The following SEC61A1 variants were observed in gnomAD, a reference collection of about 807,000 sequenced individuals.
The protein encoded by SEC61A1 is SEC61 translocon subunit alpha 1, also known as protein transport protein Sec61 subunit alpha isoform 1.
SEC61A1 carries 15 observed loss-of-function variants against 55.2 expected under a neutral mutation model. The ratio of observed to expected loss-of-function variants is 0.27; its 90% confidence interval spans 0.18 to 0.42. The LOEUF is 0.42. Ranked by LOEUF, SEC61A1 falls within the 10% of genes least tolerant of loss-of-function variation. The probability of loss-of-function intolerance (pLI) is 1.00; values close to 1 mark genes in which losing one functional copy is unlikely to be tolerated. For synonymous variants in SEC61A1, 247 were observed against 234.0 expected (o/e 1.06, Z -0.51); for missense variants, 284 against 602.6 (o/e 0.47, Z 5.53).
At chr3:128,065,892 T>C (rs1291219576) in intron 8 of SEC61A1, among the ~76,000 whole-genome samples, 1 of 151,780 alleles carries the variant, frequency 6.6e-6, no homozygotes, top group Non-Finnish European at 1.5e-5. Context: ...CAGGTGCCTG[T>C]CACCACGCCC....
In SEC61A1 at chr3:128,065,348, G is replaced by A; in HGVS notation, c.777+311G>A. On this transcript the variant is annotated intron_variant, in intron 8 of 11. Transcript: ENST00000243253. The stretch of plus-strand genomic sequence containing the variant: ...TTCAAGAGAAGCAAAAAGTACTCTA[G>A]CTCTGAAACCTCATTGCTCTCTTAT... 3 of 583,852 alleles carry A rather than the reference G, an allele frequency of 5.1e-6. No homozygotes were observed. The South Asian group carries it at 6.5e-5, about 13-fold the overall frequency. 36.2% of individuals were successfully genotyped at this position (583,852 alleles called of 1,614,324 possible).
intron 7 of SEC61A1, among the ~76,000 whole-genome samples, chr3:128,061,475 A>G (rs1941850522): frequency 6.6e-6 from 1 of 152,238 alleles, no homozygotes. Context: ...AGAAATAATC[A>G]TGCATATTTG....
chr3:128,065,501 T>A (rs1941940956), intron 8 of SEC61A1, among the ~76,000 whole-genome samples: 1 of 152,198 alleles, frequency 6.6e-6, no homozygotes, highest in African/African-American at 2.4e-5. Context: ...TGAACTGCTA[T>A]TGTTTTCCTG....
At chr3:128,052,649 C>G in intron 1 of SEC61A1, 90 bp downstream of exon 1, 1 of 1,548,534 alleles carries the variant, frequency 6.5e-7, no homozygotes, top group Non-Finnish European at 8.7e-7. Flanking sequence ...CCGGCCAACC[C>G]TGACCGGCCC....
intron 5 of SEC61A1, among the ~76,000 whole-genome samples, chr3:128,059,818 T>A (rs1261481637): frequency 6.6e-6 from 1 of 152,154 alleles, no homozygotes; most frequent in Non-Finnish European, 1.5e-5. Context: ...ATAGAACAAA[T>A]TTTCCAAGTT....
At chr3:128,063,841 C>T (rs187137432) in intron 7 of SEC61A1, among the ~76,000 whole-genome samples, 6 of 152,264 alleles carry the variant, frequency 3.9e-5, no homozygotes, top group African/African-American at 1.2e-4. Context: ...AGTTTTTTAA[C>T]GTAAGTAAAT....
At chr3:128,063,666 A>G (rs1289599772) in intron 7 of SEC61A1, among the ~76,000 whole-genome samples, 1 of 152,096 alleles carries the variant, frequency 6.6e-6, no homozygotes, top group East Asian at 1.9e-4. Context: ...TGCTCCTCAG[A>G]GTACTGATAC....
chr3:128,061,412 G>A (rs1286077176), intron 7 of SEC61A1, among the ~76,000 whole-genome samples: 2 of 152,212 alleles, frequency 1.3e-5, no homozygotes, highest in African/African-American at 4.8e-5. Context: ...TTAGGGAAAG[G>A]AAATAAACAT....
Position 128,056,764 on chromosome 3 carries a change from A to G in SEC61A1, c.276A>G (p.Gln92=). 1 of 1,609,856 alleles carries G rather than the reference A, an allele frequency of 6.2e-7. No individual in the cohort carries two copies. The highest frequency in any genetic ancestry group is 1.3e-5 in the African/African-American group (1 of 74,912). ...TTGTCACGTCTGGCCTTATAATGCA[A>G]CTCTTGGCTGGCGCCAAGATAATTG... is the stretch of plus-strand genomic sequence containing the variant. The part of the protein sequence containing the change: ...SPIVTSGLIM[Q]LLAGAKIIEV... The change falls in exon 5 of 12, where the codon CAA becomes CAG. Residue 92 remains glutamine (Q), a synonymous_variant. Transcript: ENST00000243253.
In SEC61A1 at chr3:128,060,650, A is replaced by G; in HGVS notation, c.605A>G (p.Asn202Ser). 1 of 1,614,174 alleles carries G rather than the reference A, an allele frequency of 6.2e-7. No individual in the cohort carries two copies. The highest frequency in any genetic ancestry group is 8.5e-7 in the Non-Finnish European group (1 of 1,180,028). ...AAGGCATTCAGCCCCACTACTGTCA[A>G]CACTGGCCGAGGTAAGGGCCCTGTG... ...VWKAFSPTTVNTGRGMEFEGA... is the reference protein window; with the variant it reads ...VWKAFSPTTVSTGRGMEFEGA... Residue 202 changes from asparagine to serine, a missense_variant, in exon 7 of 12, where the codon AAC becomes AGC. Physicochemically the swap from Asn to Ser is conservative, Grantham distance 46 (BLOSUM62 1). Transcript: ENST00000243253.
chr3:128,063,501 A>C (rs151085730), intron 7 of SEC61A1, among the ~76,000 whole-genome samples: 5 of 152,020 alleles, frequency 3.3e-5, no homozygotes, highest in Non-Finnish European at 5.9e-5. Flanking sequence ...TGTTCGGCTA[A>C]TTTTTTTGTA....
chr3:128,064,659 T>C, intron 7 of SEC61A1: 1 of 539,854 alleles, frequency 1.9e-6, no homozygotes, highest in Non-Finnish European at 3.2e-6. Flanking sequence ...CTAAAAAAAA[T>C]CAAAAACAAA....
chr3:128,067,297 TA>T lies in SEC61A1; in HGVS notation c.976-117del. On this transcript the variant is annotated intron_variant, in intron 9 of 11. Coordinates refer to ENST00000243253, the MANE Select transcript of SEC61A1 (RefSeq NM_013336.4). This position sits in a 1 kb window ranked among gnomAD's most constrained non-coding sequence, Gnocchi z 4.1. ...TCAGCACATTAAATTATCTTTTCAG[TA>T]AAAAAATTGTACTGTGGGCACCGAG... is the stretch of plus-strand genomic sequence containing the variant. 8 of 1,302,328 alleles carry T rather than the reference TA, an allele frequency of 6.1e-6. No homozygotes were observed. The highest frequency in any genetic ancestry group is 6.4e-6 in the Non-Finnish European group (6 of 934,858). 80.7% of individuals were successfully genotyped at this position (1,302,328 alleles called of 1,614,324 possible).
Position 128,055,597 on chromosome 3 carries a change from T to C in SEC61A1, c.141+16T>C. ...GTGCTGCCAGGTAAGCTCAGGCTTGTATTTCGTATTGGGGAGGGGGATAAG... is the reference window on the plus strand; with the variant it reads ...GTGCTGCCAGGTAAGCTCAGGCTTGCATTTCGTATTGGGGAGGGGGATAAG... On this transcript the variant is annotated intron_variant, in intron 3 of 11. Coordinates refer to ENST00000243253, the MANE Select transcript of SEC61A1 (RefSeq NM_013336.4). The C allele has an allele frequency of 6.2e-7, 1 of 1,612,006 alleles. No homozygotes were observed. Among genetic ancestry groups the C allele is most frequent in the Non-Finnish European group, 8.5e-7 (1 of 1,178,038 alleles).
Position 128,067,763 on chromosome 3 carries a change from C to T in SEC61A1, c.1167+151C>T. 1.5e-6 allele frequency: 1 copy of T among 684,628 alleles called. No homozygotes were observed. The highest frequency in any genetic ancestry group is 1.8e-5 in the African/African-American group (1 of 55,754). The allele number at this position is 684,628 out of a possible 1,614,324, so 42.4% of individuals were successfully genotyped here. A position where few individuals can be genotyped will look rare whatever the true frequency, so the allele number is the denominator to read the frequency against. ...GCAGTTCAGAAGCTTTAAGGGCTGA[C>T]AGATGGAGTCCAGCAGTAGATCAGC... On this transcript the variant is annotated intron_variant, in intron 10 of 11. Coordinates refer to ENST00000243253, the MANE Select transcript of SEC61A1 (RefSeq NM_013336.4). The surrounding 1 kb of genome is among the most constrained non-coding windows in gnomAD (Gnocchi z 4.1).
intron 2 of SEC61A1, among the ~76,000 whole-genome samples, chr3:128,053,681 C>T (rs989472021): frequency 1.3e-5 from 2 of 152,214 alleles, no homozygotes; most frequent in Non-Finnish European, 1.5e-5. Flanking sequence ...CCATGTGCTG[C>T]TTTTAATGGA....
chr3:128,058,201 ATTTTTT>A (rs57508280), intron 5 of SEC61A1, among the ~76,000 whole-genome samples: 3 of 79,360 alleles, frequency 3.8e-5, no homozygotes, highest in African/African-American at 5.0e-5. Flanking sequence ...AAATACGTCT[ATTTTTT>A]TTTTTTTTTT....
rs558163088 is a variant in SEC61A1 at position 128,054,241 on chromosome 3, C to T, written c.76-1275C>T. ...GAGGAGACAGGACTTGGATAAAGAG[C>T]TTTTGGGGTTTTGATGTTAAATTTG... On this transcript the variant is annotated intron_variant, in intron 2 of 11. Transcript: ENST00000243253. Among the ~76,000 whole-genome samples, 7 of 152,264 alleles carry T rather than the reference C, an allele frequency of 4.6e-5. No homozygotes were observed. The East Asian group carries it at 1.3e-3, about 29-fold the overall frequency.
intron 7 of SEC61A1, among the ~76,000 whole-genome samples, chr3:128,062,161 G>T (rs1296329943): frequency 2.0e-5 from 3 of 152,236 alleles, no homozygotes; most frequent in African/African-American, 7.2e-5. Context: ...CTTGAAGTCA[G>T]TGTGTCTACA....
Sources: allele counts gnomAD v4.1 joint callset (sites outside exome capture counted in the v4.1 genomes callset), GRCh38; gene constraint gnomAD v4.1.1; non-coding constraint Gnocchi (gnomAD v3.1); transcripts MANE v1.5; gene names NCBI Gene and HGNC (gene_info 2026-07-23, HGNC 2026-07-21).